SEMA5A: variants seen among roughly 807,000 people sequenced by gnomAD.
SEMA5A encodes the protein semaphorin 5A.
In SEMA5A, 55 loss-of-function variants were observed where a neutral mutation model predicts 135.5. The ratio of observed to expected loss-of-function variants is 0.41; its 90% CI spans 0.33 to 0.51. SEMA5A has a LOEUF of 0.51. Among genes scored for constraint, SEMA5A ranks in the 20% least tolerant of loss-of-function variants. SEMA5A has a pLI of 0.37. For missense variants in SEMA5A, 1,290 were observed against 1,419.9 expected (o/e 0.91, Z 1.47); for synonymous variants, 580 against 546.5 (o/e 1.06, Z -0.85).
intron 3 of SEMA5A, among the ~76,000 whole-genome samples, chr5:9,354,250 G>A (rs745754167): frequency 3.3e-5 from 5 of 152,136 alleles, no homozygotes; most frequent in Non-Finnish European, 7.3e-5. Flanking sequence ...GGGTATAATA[G>A]TCACTCTTGT....
intron 15 of SEMA5A, among the ~76,000 whole-genome samples, chr5:9,112,749 C>T (rs1013142457): frequency 5.9e-5 from 9 of 152,190 alleles, no homozygotes; most frequent in Non-Finnish European, 1.2e-4. Context: ...TCACACCTTG[C>T]GTAATCTCCT....
At chr5:9,317,730 G>T (rs1432180761) in intron 5 of SEMA5A, among the ~76,000 whole-genome samples, 1 of 152,118 alleles carries the variant, frequency 6.6e-6, no homozygotes, top group East Asian at 1.9e-4. Flanking sequence ...CAGAATCTTG[G>T]TGAAGAAGAT....
chr5:9,513,598 G>A (rs1218318136), intron 1 of SEMA5A, among the ~76,000 whole-genome samples: 7 of 152,072 alleles, frequency 4.6e-5, no homozygotes, highest in South Asian at 2.1e-4. Flanking sequence ...TTGTGGCGGC[G>A]GCAGCTCCTC....
At chr5:9,082,588 G>A (rs961908657) in intron 16 of SEMA5A, among the ~76,000 whole-genome samples, 3 of 152,142 alleles carry the variant, frequency 2.0e-5, no homozygotes, top group Non-Finnish European at 4.4e-5. Flanking sequence ...CCTTAACCTA[G>A]TTCCTCCACT....
chr5:9,115,411 G>C (rs1441462506), intron 15 of SEMA5A, among the ~76,000 whole-genome samples: 3 of 152,198 alleles, frequency 2.0e-5, no homozygotes, highest in Non-Finnish European at 4.4e-5. Flanking sequence ...CTAGATTTCA[G>C]AATTTATATG....
At chr5:9,053,004 G>C (rs1736676519) in intron 19 of SEMA5A, among the ~76,000 whole-genome samples, 1 of 152,222 alleles carries the variant, frequency 6.6e-6, no homozygotes, top group South Asian at 2.1e-4. Flanking sequence ...GAAAGTGCCA[G>C]TTTTTGGAAT....
rs149718804 is a variant in SEMA5A, at chr5:9,524,656, C to T, written c.-175+20928G>A. Among the ~76,000 whole-genome samples, 60 of 152,212 alleles carry T rather than the reference C, an allele frequency of 3.9e-4. 1 individual carries two copies. The highest frequency in any genetic ancestry group is 4.1e-4 in the Non-Finnish European group (28 of 68,018). On this transcript the variant is annotated intron_variant, in intron 1 of 22. Transcript: ENST00000382496. ...AGTGTGTGCTGATTTGTTATAGTAG[C>T]CCTAAGAAGCAAATACAGATGGTAA... is the stretch of plus-strand genomic sequence containing the variant.
chr5:9,272,258 T>G (rs1750013845), intron 5 of SEMA5A, among the ~76,000 whole-genome samples: 1 of 152,052 alleles, frequency 6.6e-6, no homozygotes, highest in African/African-American at 2.4e-5. Flanking sequence ...ACTGGGAAGT[T>G]CGAACTGAGT....
intron 15 of SEMA5A, among the ~76,000 whole-genome samples, chr5:9,113,564 T>C (rs143058582): frequency 1.1e-4 from 16 of 152,282 alleles, no homozygotes; most frequent in African/African-American, 3.8e-4. Flanking sequence ...TTGTACATGA[T>C]AAATATTTAC....
chr5:9,088,637 A>AATATATATATATATATATATATATAT (rs71611400), intron 16 of SEMA5A, among the ~76,000 whole-genome samples: 43 of 107,496 alleles, frequency 4.0e-4, no homozygotes, highest in South Asian at 6.3e-4. Context: ...CTACATTTAT[A>AATATATATATATATATATATATATAT]ATATATATAT....
At chr5:9,090,264 T>A (rs1738958906) in intron 16 of SEMA5A, among the ~76,000 whole-genome samples, 1 of 152,180 alleles carries the variant, frequency 6.6e-6, no homozygotes, top group Non-Finnish European at 1.5e-5. Context: ...CTGGATGCCA[T>A]TTATTTCTAA....
chr5:9,097,423 C>T (rs975209131), intron 16 of SEMA5A, among the ~76,000 whole-genome samples: 10 of 152,184 alleles, frequency 6.6e-5, no homozygotes, highest in African/African-American at 1.9e-4. Context: ...ATGAAGACCA[C>T]GCCATAAGCA....
chr5:9,354,221 C>T (rs978469074), intron 3 of SEMA5A, among the ~76,000 whole-genome samples: 1 of 151,966 alleles, frequency 6.6e-6, no homozygotes, highest in South Asian at 2.1e-4. Flanking sequence ...TACTAACCTG[C>T]CAAGACCCAT....
In SEMA5A at chr5:9,076,868, T is replaced by TTGTGTGTGTG. The variant is rs70943938; in HGVS notation, c.2074-10232_2074-10223dup. ...GTGCATTGACTATGCATTACGATCT[T>TTGTGTGTGTG]TGTGTGTGTGTGTGTGTGTGTGTGT... On this transcript the variant is annotated intron_variant, in intron 16 of 22. Transcript: ENST00000382496. Among the ~76,000 whole-genome samples, 545 of 144,074 alleles carry TTGTGTGTGTG rather than the reference T, an allele frequency of 3.8e-3. 5 individuals carry two copies. The highest frequency in any genetic ancestry group is 9.9e-3 in the African/African-American group (390 of 39,316). 94.5% of individuals were successfully genotyped at this position (144,074 alleles called of 152,430 possible).
intron 8 of SEMA5A, among the ~76,000 whole-genome samples, chr5:9,215,864 G>C (rs920983032): frequency 6.7e-6 from 1 of 150,166 alleles, no homozygotes; most frequent in South Asian, 2.1e-4. Flanking sequence ...CTAATCTTTT[G>C]AATGAGTTTT....
At chr5:9,465,337 G>GA (rs1384094747) in intron 1 of SEMA5A, among the ~76,000 whole-genome samples, 1 of 152,230 alleles carries the variant, frequency 6.6e-6, no homozygotes, top group African/African-American at 2.4e-5. Context: ...TTTCCCAAAA[G>GA]AGACTCCATG....
intron 5 of SEMA5A, among the ~76,000 whole-genome samples, chr5:9,279,734 C>G (rs1199382066): frequency 6.6e-6 from 1 of 152,070 alleles, no homozygotes; most frequent in Admixed American, 6.6e-5. Context: ...GCACTTCCCC[C>G]TTGACTCTCC....
At chr5:9,232,645 T>C in intron 6 of SEMA5A, among the ~76,000 whole-genome samples, 1 of 152,330 alleles carries the variant, frequency 6.6e-6, no homozygotes. Flanking sequence ...GTACAGTGTA[T>C]TGATATATAA....
intron 5 of SEMA5A, among the ~76,000 whole-genome samples, chr5:9,275,313 C>G (rs1311485888): frequency 6.6e-6 from 1 of 152,154 alleles, no homozygotes; most frequent in Admixed American, 6.5e-5. Flanking sequence ...AGACCAATAA[C>G]AAGTTCTAAA....
Sources: gnomAD v4.1 joint callset for allele counts (sites outside exome capture counted in the v4.1 genomes callset) on GRCh38, gnomAD v4.1.1 for gene constraint, MANE v1.5 for transcripts, NCBI Gene and HGNC (gene_info 2026-07-23, HGNC 2026-07-21) for gene names.